Variants in LRRIQ1 observed in about 807,000 individuals in gnomAD.
LRRIQ1 encodes leucine-rich repeat- and IQ domain-containing protein 1.
LRRIQ1 carries 210 observed loss-of-function variants against 211.9 expected under a neutral mutation model. The observed-to-expected ratio is 0.99, with a 90% CI of 0.89 to 1.11. LRRIQ1 has a LOEUF of 1.11. LRRIQ1 is among the 50% of genes most tolerant of loss of function. The probability of loss-of-function intolerance (pLI) is 0.00; values close to 1 mark genes in which losing one functional copy is unlikely to be tolerated. For missense variants in LRRIQ1, 2,136 were observed against 1,939.5 expected (o/e 1.10, Z -1.90); for synonymous variants, 699 against 650.1 (o/e 1.08, Z -1.14).
At chr12:85,236,778 A>T (rs1161523009) in intron 26 of LRRIQ1, among the ~76,000 whole-genome samples, 1 of 145,198 alleles carries the variant, frequency 6.9e-6, no homozygotes, top group Admixed American at 6.9e-5. Flanking sequence ...TTCTGGATAT[A>T]TGTATCTTTT....
At chr12:85,162,369 A>T (rs1890931172) in intron 24 of LRRIQ1, among the ~76,000 whole-genome samples, 1 of 152,142 alleles carries the variant, frequency 6.6e-6, no homozygotes, top group Admixed American at 6.5e-5. Flanking sequence ...GTCTTTTTTT[A>T]AAAAATGTAG....
chr12:85,144,433 T>C (rs955673624), intron 19 of LRRIQ1, among the ~76,000 whole-genome samples: 36 of 151,678 alleles, frequency 2.4e-4, no homozygotes, highest in South Asian at 2.1e-4. Context: ...GTTTAAGATA[T>C]AGAGCATAGT....
At chr12:85,132,372 G>A (rs1033530606) in intron 18 of LRRIQ1, among the ~76,000 whole-genome samples, 2 of 152,082 alleles carry the variant, frequency 1.3e-5, no homozygotes, top group Admixed American at 1.3e-4. Context: ...GGATATGCAG[G>A]GTACCTCCCT....
chr12:85,111,247 C>A (rs1181914045), intron 15 of LRRIQ1, among the ~76,000 whole-genome samples: 1 of 152,058 alleles, frequency 6.6e-6, no homozygotes, highest in Non-Finnish European at 1.5e-5. Context: ...GGGAAAGGGA[C>A]CGACCATAGG....
intron 11 of LRRIQ1, among the ~76,000 whole-genome samples, chr12:85,082,508 G>C (rs932820962): frequency 4.0e-5 from 6 of 151,814 alleles, no homozygotes; most frequent in African/African-American, 1.5e-4. Context: ...TTCTCCTTCT[G>C]AAACATTATG....
At chr12:85,080,671 GT>G (rs1256331851) in intron 11 of LRRIQ1, among the ~76,000 whole-genome samples, 95 of 128,888 alleles carry the variant, frequency 7.4e-4, no homozygotes, top group African/African-American at 1.5e-3. Context: ...ATTTTTACTT[GT>G]TTTTTTTTTT....
At chr12:85,161,723 T>C (rs536229709) in intron 24 of LRRIQ1, among the ~76,000 whole-genome samples, 30 of 152,256 alleles carry the variant, frequency 2.0e-4, no homozygotes, top group African/African-American at 7.2e-4. Context: ...GTAGAAGTCA[T>C]GGAGTCTAGA....
At chr12:85,103,953 T>G (rs1301010108) in intron 13 of LRRIQ1, 51 bp from the exon 14 acceptor site, 1 of 1,063,848 alleles carries the variant, frequency 9.4e-7, no homozygotes, top group East Asian at 2.6e-5. Context: ...ATGGTAACAT[T>G]AAGGACTTTC....
At chr12:85,267,610 G>T (rs1896450936), downstream of LRRIQ1, among the ~76,000 whole-genome samples, 1 of 151,976 alleles carries the variant, frequency 6.6e-6, no homozygotes, top group South Asian at 2.1e-4. Context: ...ATTACAAGGA[G>T]ACTTAGTAAG....
chr12:85,096,260 T>C (rs1417414782), intron 11 of LRRIQ1, among the ~76,000 whole-genome samples: 7 of 152,172 alleles, frequency 4.6e-5, no homozygotes, highest in African/African-American at 1.7e-4. Context: ...GTTAAATTGT[T>C]AATTTGAGAT....
intron 26 of LRRIQ1, among the ~76,000 whole-genome samples, chr12:85,237,031 A>T: frequency 6.6e-6 from 1 of 151,738 alleles, no homozygotes; most frequent in East Asian, 1.9e-4. Flanking sequence ...GATTAAAACC[A>T]TGCAGAAAAT....
At chr12:85,238,045 G>A (rs1895273847) in intron 26 of LRRIQ1, among the ~76,000 whole-genome samples, 1 of 151,826 alleles carries the variant, frequency 6.6e-6, no homozygotes, top group Admixed American at 6.6e-5. Context: ...TGAGGAAACA[G>A]ATTGAAATCT....
chr12:85,065,012 T>G (rs1882278947), intron 8 of LRRIQ1, among the ~76,000 whole-genome samples: 1 of 151,832 alleles, frequency 6.6e-6, no homozygotes, highest in Admixed American at 6.6e-5. Context: ...TACATGATTA[T>G]GTTGTTGCTT....
At chr12:85,195,480 T>C (rs1317964575) in intron 24 of LRRIQ1, among the ~76,000 whole-genome samples, 1 of 151,920 alleles carries the variant, frequency 6.6e-6, no homozygotes, top group Admixed American at 6.6e-5. Flanking sequence ...TCCACCATGA[T>C]CAAGTGGGCT....
chr12:85,211,393 GAACACC>G (rs1443753773), intron 24 of LRRIQ1, among the ~76,000 whole-genome samples: 11 of 152,048 alleles, frequency 7.2e-5, no homozygotes, highest in Non-Finnish European at 1.3e-4. Flanking sequence ...TAGTTTTAAG[GAACACC>G]AATCTACAAT....
intron 10 of LRRIQ1, among the ~76,000 whole-genome samples, chr12:85,068,340 C>G (rs531807019): frequency 2.0e-5 from 3 of 151,716 alleles, no homozygotes; most frequent in Admixed American, 6.6e-5. Flanking sequence ...TGTGTCTAGT[C>G]CTGGTTATAC....
chr12:85,215,414 C>T (rs920004479), intron 24 of LRRIQ1, among the ~76,000 whole-genome samples: 5 of 152,038 alleles, frequency 3.3e-5, no homozygotes, highest in African/African-American at 7.2e-5. Context: ...AGACTTGTGT[C>T]GTGGGGGTTT....
At chr12:85,260,646 C>T (rs1338027551) in intron 1 of LRRIQ1, among the ~76,000 whole-genome samples, 3 of 152,064 alleles carry the variant, frequency 2.0e-5, no homozygotes, top group Non-Finnish European at 4.4e-5. Context: ...CAGCATTCTC[C>T]CTATTTAATG....
downstream of LRRIQ1, among the ~76,000 whole-genome samples, chr12:85,265,731 C>T (rs1288445061): frequency 6.6e-6 from 1 of 151,598 alleles, no homozygotes; most frequent in Non-Finnish European, 1.5e-5. Flanking sequence ...ACAGAATTGC[C>T]CAATAATGTT....
Sources: allele counts gnomAD v4.1 joint callset (sites outside exome capture counted in the v4.1 genomes callset), GRCh38; gene constraint gnomAD v4.1.1; transcripts MANE v1.5; gene names NCBI Gene and HGNC (gene_info 2026-07-23, HGNC 2026-07-21).